The following SAMMSON variants were observed in gnomAD, a reference collection of about 807,000 sequenced individuals.
SAMMSON encodes the protein long intergenic non-protein coding RNA 1212.
intron 4 of SAMMSON, among the ~76,000 whole-genome samples, chr3:70,149,735 A>T (rs1226364165): frequency 6.6e-6 from 1 of 152,096 alleles, no homozygotes; most frequent in East Asian, 1.9e-4. Flanking sequence ...AAGCTGTCTT[A>T]TCATACAAGT....
In SAMMSON at chr3:70,375,049, C is replaced by A. The variant is rs115073661; in HGVS notation, n.914-14525C>A. ...CGTATGTTATATATCTATATGTGTG[C>A]ATGCGTGTAAAGTCCAGAGTTTTTA... is the stretch of plus-strand genomic sequence containing the variant. On this transcript the variant is annotated intron_variant and non_coding_transcript_variant, in intron 9 of 9. Coordinates refer to ENST00000642114, the Ensembl canonical transcript of SAMMSON. Among the ~76,000 whole-genome samples the A allele has an allele frequency of 7.5e-3, 1,134 of 152,140 alleles. 17 individuals are homozygous for A. Among genetic ancestry groups the A allele is most frequent in the African/African-American group, 0.025 (1,058 of 41,506 alleles).
At chr3:70,100,864 C>A (rs2067342815) in intron 4 of SAMMSON, among the ~76,000 whole-genome samples, 1 of 152,090 alleles carries the variant, frequency 6.6e-6, no homozygotes, top group African/African-American at 2.4e-5. Context: ...ATTATTTGCC[C>A]AACATAATTT....
chr3:70,421,062 A>G (rs1028501660), intron 2 of SAMMSON, among the ~76,000 whole-genome samples: 6 of 152,178 alleles, frequency 3.9e-5, no homozygotes, highest in Non-Finnish European at 8.8e-5. Context: ...GATTATATAC[A>G]TATAATTCCA....
chr3:70,157,739 T>G (rs952261697), intron 4 of SAMMSON, among the ~76,000 whole-genome samples: 1 of 152,122 alleles, frequency 6.6e-6, no homozygotes, highest in African/African-American at 2.4e-5. Context: ...CGCCTAGCAT[T>G]TGCTGAACGC....
chr3:70,377,763 A>G (rs1474522759), intron 9 of SAMMSON, among the ~76,000 whole-genome samples: 3 of 152,104 alleles, frequency 2.0e-5, no homozygotes, highest in Admixed American at 2.0e-4. Flanking sequence ...ATATTAAAAA[A>G]TACCTACAAT....
At position 70,143,325 on chromosome 3, in the gene SAMMSON, T is replaced by C. The variant is rs539093702; in HGVS notation, n.507+71760T>C. Reference sequence around the variant, plus strand: ...AAAAAAAAAAAAAATACACGAGACTTATAACTATTTTCTCCATAAGAAGAA... The same window carrying C: ...AAAAAAAAAAAAAATACACGAGACTCATAACTATTTTCTCCATAAGAAGAA... On this transcript the variant is annotated intron_variant and non_coding_transcript_variant, in intron 4 of 9. Transcript: ENST00000642114. 8.6e-5 allele frequency among the ~76,000 whole-genome samples: 13 copies of C among 151,830 alleles called. No homozygotes were observed. The South Asian group carries it at 2.5e-3, about 29-fold the overall frequency.
intron 2 of SAMMSON, among the ~76,000 whole-genome samples, chr3:70,419,906 G>A (rs1351435211): frequency 6.6e-6 from 1 of 152,200 alleles, no homozygotes; most frequent in Non-Finnish European, 1.5e-5. Context: ...CCAAAGTGCT[G>A]GGATTACAGG....
At chr3:70,387,323 T>C (rs1703130160) in intron 9 of SAMMSON, among the ~76,000 whole-genome samples, 1 of 152,084 alleles carries the variant, frequency 6.6e-6, no homozygotes, top group South Asian at 2.1e-4. Context: ...ATTTTCTTCT[T>C]TGTATACTTT....
At chr3:70,134,087 CAAAAAAAAAA>C (rs1157606808) in intron 4 of SAMMSON, among the ~76,000 whole-genome samples, 4 of 60,574 alleles carry the variant, frequency 6.6e-5, no homozygotes, top group South Asian at 1.1e-3. Context: ...ACTGAAAATA[CAAAAAAAAAA>C]AAAAAAAAAA....
chr3:70,330,171 T>C (rs1236694387), intron 7 of SAMMSON, among the ~76,000 whole-genome samples: 1 of 151,900 alleles, frequency 6.6e-6, no homozygotes, highest in Non-Finnish European at 1.5e-5. Flanking sequence ...ATATAAACTT[T>C]AAGAGAAACT....
chr3:70,250,410 CTCA>C (rs1701750619), intron 6 of SAMMSON, among the ~76,000 whole-genome samples: 1 of 41,230 alleles, frequency 2.4e-5, no homozygotes, highest in Non-Finnish European at 4.5e-5. Flanking sequence ...TTTAATGAAT[CTCA>C]CACACACACA....
intron 4 of SAMMSON, among the ~76,000 whole-genome samples, chr3:70,199,698 C>G (rs1323663650): frequency 6.6e-6 from 1 of 152,156 alleles, no homozygotes; most frequent in Non-Finnish European, 1.5e-5. Context: ...AAATTTGCAA[C>G]TGTTTGAAAA....
chr3:70,206,028 A>G (rs1458522161), intron 4 of SAMMSON: 2 of 151,990 alleles, frequency 1.3e-5, no homozygotes, highest in Non-Finnish European at 2.9e-5. Context: ...TATGTCATAT[A>G]TAGGGATGAT....
intron 4 of SAMMSON, among the ~76,000 whole-genome samples, chr3:70,099,133 T>G (rs1337819217): frequency 9.9e-5 from 15 of 152,198 alleles, no homozygotes; most frequent in Non-Finnish European, 2.2e-4. Context: ...GACATTTAAG[T>G]TTTTATATAT....
chr3:70,300,335 A>C lies in SAMMSON; in HGVS notation n.739+9092A>C, dbSNP rs368560205. Among the ~76,000 whole-genome samples the C allele has an allele frequency of 1.6e-3, 236 of 152,252 alleles. 2 individuals are homozygous for C. Among genetic ancestry groups the C allele is most frequent in the African/African-American group, 5.5e-3 (229 of 41,562 alleles). On this transcript the variant is annotated intron_variant and non_coding_transcript_variant, in intron 7 of 9. Transcript: ENST00000642114. ...CTTTCCTTACCTACCACCTTCTCTTACAACATTATACAGACGTTTATTATA... is the reference window on the plus strand; with the variant it reads ...CTTTCCTTACCTACCACCTTCTCTTCCAACATTATACAGACGTTTATTATA...
intron 3 of SAMMSON, among the ~76,000 whole-genome samples, chr3:70,067,202 A>G (rs1015493578): frequency 1.3e-5 from 2 of 152,036 alleles, no homozygotes; most frequent in Non-Finnish European, 2.9e-5. Flanking sequence ...TCCTTACGGT[A>G]TTTTCCATTT....
At position 70,271,998 on chromosome 3, in the gene SAMMSON, G is replaced by A. The variant is rs183391721; in HGVS notation, n.675-19181G>A. The A allele has an allele frequency of 2.0e-5, 3 of 152,292 alleles. No individual in the cohort carries two copies. The East Asian group carries it at 5.8e-4, about 29-fold the overall frequency. 9.4% of individuals were successfully genotyped at this position (152,292 alleles called of 1,614,324 possible). ...GGCTGATCTTTAACTCTGAACTTCAGGTGATCCGCCTGCCTTGGCCTCCCA... is the reference window on the plus strand; with the variant it reads ...GGCTGATCTTTAACTCTGAACTTCAAGTGATCCGCCTGCCTTGGCCTCCCA... On this transcript the variant is annotated intron_variant and non_coding_transcript_variant, in intron 6 of 9. Coordinates refer to ENST00000642114, the Ensembl canonical transcript of SAMMSON.
At chr3:70,110,788 G>A (rs1306782811) in intron 4 of SAMMSON, among the ~76,000 whole-genome samples, 1 of 152,112 alleles carries the variant, frequency 6.6e-6, no homozygotes, top group Non-Finnish European at 1.5e-5. Context: ...CAGAGAAAGG[G>A]TAAATTATTG....
chr3:70,338,589 C>T lies in SAMMSON; in HGVS notation n.740-15586C>T, dbSNP rs148538154. Reference sequence around the variant, plus strand: ...AAAATCAAAGTGCAAAAATCACAAGCATTCCTACACACCAATAACAGACAA... The same window carrying T: ...AAAATCAAAGTGCAAAAATCACAAGTATTCCTACACACCAATAACAGACAA... On this transcript the variant is annotated intron_variant and non_coding_transcript_variant, in intron 7 of 9. Coordinates refer to ENST00000642114, the Ensembl canonical transcript of SAMMSON. Among the ~76,000 whole-genome samples, 32 of 152,240 alleles carry T rather than the reference C, an allele frequency of 2.1e-4. No homozygotes were observed. The East Asian group carries it at 6.2e-3, about 29-fold the overall frequency.
Sources: gnomAD v4.1 joint callset for allele counts (sites outside exome capture counted in the v4.1 genomes callset) on GRCh38, gnomAD v4.1.1 for gene constraint, MANE v1.5 for transcripts, NCBI Gene and HGNC (gene_info 2026-07-23, HGNC 2026-07-21) for gene names.